The following ST8SIA6 variants were observed in gnomAD, a reference collection of about 807,000 sequenced individuals.
ST8SIA6 encodes ST8 alpha-N-acetyl-neuraminide alpha-2,8-sialyltransferase 6.
Under a neutral mutation model 33.6 loss-of-function variants are expected in ST8SIA6, and 39 were observed. The ratio of observed to expected loss-of-function variants is 1.16; its 90% CI spans 0.90 to 1.52. ST8SIA6 has a LOEUF of 1.52. Ranked by LOEUF, ST8SIA6 falls within the 40% of genes most tolerant of loss-of-function variation. The probability of loss-of-function intolerance (pLI) is 0.00; values close to 1 mark genes in which losing one functional copy is unlikely to be tolerated. For synonymous variants in ST8SIA6, 172 were observed against 167.2 expected, an observed-to-expected ratio of 1.03 and a Z score of -0.22; for missense variants, 441 against 443.8, an observed-to-expected ratio of 0.99 and a Z score of 0.06.
intron 5 of ST8SIA6, among the ~76,000 whole-genome samples, chr10:17,327,598 A>AAACAAC (rs1176015095): frequency 1.3e-5 from 2 of 150,060 alleles, no homozygotes; most frequent in East Asian, 4.0e-4. Context: ...AAACAAAACA[A>AAACAAC]AACAACAACA....
chr10:17,357,158 G>A (rs903092918), intron 4 of ST8SIA6, among the ~76,000 whole-genome samples: 3 of 150,176 alleles, frequency 2.0e-5, no homozygotes, highest in African/African-American at 7.4e-5. Flanking sequence ...TTGAGACGGA[G>A]TCTCTCTGTC....
rs201720814 is a variant in ST8SIA6, at chr10:17,321,290, C to T, written c.785G>A (p.Gly262Glu). The change falls in exon 8 of 8, where the codon GGA becomes GAA. Residue 262 changes from glycine (G) to glutamate (E), a missense_variant. By Grantham distance (98) the Gly-to-Glu change is moderately conservative. Coordinates refer to ENST00000377602, the MANE Select transcript of ST8SIA6 (RefSeq NM_001004470.3). ...TGCTGGCAGAAGAAAAAATGCATCT[C>T]CATAGGTTGCAATGTCCTCCAGAAA... Reference protein sequence around the residue: ...ALFLEDIATYGDAFFLLPAFS... With the variant: ...ALFLEDIATYEDAFFLLPAFS... The T allele has an allele frequency of 4.6e-5, 75 of 1,613,770 alleles. No individual in the cohort carries two copies. In the Admixed American group the frequency reaches 5.3e-4, roughly 11 times the overall value.
At chr10:17,343,010 C>T (rs1312846054) in intron 4 of ST8SIA6, among the ~76,000 whole-genome samples, 2 of 152,188 alleles carry the variant, frequency 1.3e-5, no homozygotes, top group African/African-American at 4.8e-5. Flanking sequence ...ATGAGATGCT[C>T]TTCTTGGTCT....
intron 4 of ST8SIA6, among the ~76,000 whole-genome samples, chr10:17,337,832 G>C (rs1442757298): frequency 2.0e-5 from 3 of 152,074 alleles, no homozygotes; most frequent in African/African-American, 7.2e-5. Context: ...AAGAAATGGA[G>C]GACACTGTGG....
chr10:17,405,993 G>A (rs1040572717), intron 2 of ST8SIA6, among the ~76,000 whole-genome samples: 4 of 152,014 alleles, frequency 2.6e-5, no homozygotes, highest in Middle Eastern at 3.2e-3. Flanking sequence ...TGCAAAATCT[G>A]TATGAGACAA....
chr10:17,420,055 A>G (rs1038159458), intron 2 of ST8SIA6, among the ~76,000 whole-genome samples: 2 of 152,232 alleles, frequency 1.3e-5, no homozygotes, highest in African/African-American at 4.8e-5. Context: ...AATGATAACC[A>G]TGATATAGTT....
intron 3 of ST8SIA6, among the ~76,000 whole-genome samples, chr10:17,389,117 C>T (rs528361912): frequency 6.6e-6 from 1 of 152,296 alleles, no homozygotes; most frequent in East Asian, 1.9e-4. Context: ...CATTTCAACT[C>T]CCTGATTCGC....
intron 3 of ST8SIA6, among the ~76,000 whole-genome samples, chr10:17,377,084 C>T (rs957301078): frequency 4.6e-5 from 7 of 152,186 alleles, no homozygotes; most frequent in African/African-American, 1.7e-4. Context: ...CCTGCCTTTA[C>T]TGATGACATT....
At chr10:17,445,302 CT>C (rs1448421620) in intron 2 of ST8SIA6, among the ~76,000 whole-genome samples, 2 of 152,170 alleles carry the variant, frequency 1.3e-5, no homozygotes, top group Non-Finnish European at 2.9e-5. Context: ...TATTTACATT[CT>C]TACGAACAGA....
intron 3 of ST8SIA6, among the ~76,000 whole-genome samples, chr10:17,371,558 G>T (rs1017760704): frequency 6.6e-6 from 1 of 151,998 alleles, no homozygotes. Flanking sequence ...GGAGAGGTGG[G>T]AGGATGACCT....
At chr10:17,387,297 G>C (rs915616527) in intron 3 of ST8SIA6, among the ~76,000 whole-genome samples, 9 of 151,726 alleles carry the variant, frequency 5.9e-5, no homozygotes, top group Non-Finnish European at 1.0e-4. Context: ...CGTCACCCGG[G>C]CTGGAGTGCA....
intron 3 of ST8SIA6, among the ~76,000 whole-genome samples, chr10:17,380,612 T>C (rs971060182): frequency 6.6e-6 from 1 of 152,246 alleles, no homozygotes; most frequent in Non-Finnish European, 1.5e-5. Flanking sequence ...GAAAGAGCAA[T>C]GGCTGTACTT....
chr10:17,395,043 G>A (rs1850758374), intron 2 of ST8SIA6, among the ~76,000 whole-genome samples: 1 of 152,068 alleles, frequency 6.6e-6, no homozygotes, highest in African/African-American at 2.4e-5. Context: ...CACGTGTTGT[G>A]GGAAGGACCC....
chr10:17,324,913 A>G lies in ST8SIA6; in HGVS notation c.636-1756T>C, dbSNP rs546615458. On this transcript the variant is annotated intron_variant, in intron 6 of 7. Coordinates refer to ENST00000377602, the MANE Select transcript of ST8SIA6 (RefSeq NM_001004470.3). ...ATTATATATAACATGTATATATAAT[A>G]TGTAATATATAATATGCATACATAT... Among the ~76,000 whole-genome samples, 533 of 146,472 alleles carry G rather than the reference A, an allele frequency of 3.6e-3. 1 individual carries two copies. Among genetic ancestry groups the G allele is most frequent in the African/African-American group, 0.013 (509 of 40,314 alleles).
intron 3 of ST8SIA6, among the ~76,000 whole-genome samples, chr10:17,377,049 A>G (rs559629885): frequency 3.7e-4 from 56 of 152,324 alleles, no homozygotes; most frequent in African/African-American, 1.3e-3. Context: ...CTGAAGAACC[A>G]CAAAAGAAGT....
rs915562656 is a variant in ST8SIA6 at position 17,387,458 on chromosome 10, G to T, written c.290+3073C>A. 3.0e-3 allele frequency among the ~76,000 whole-genome samples: 410 copies of T among 136,886 alleles called. 7 individuals carry two copies. Among genetic ancestry groups the T allele is most frequent in the Non-Finnish European group, 4.4e-3 (274 of 62,520 alleles). 89.8% of individuals were successfully genotyped at this position (136,886 alleles called of 152,430 possible). On this transcript the variant is annotated intron_variant, in intron 3 of 7. Coordinates refer to ENST00000377602, the MANE Select transcript of ST8SIA6 (RefSeq NM_001004470.3). ...TCGGGGCGGTGGGGCGGGGGGGGGG[G>T]GGTTCTCCATGTTGGTCTGGCTGGT...
At chr10:17,371,802 AAGAAAG>A (rs1849744056) in intron 3 of ST8SIA6, among the ~76,000 whole-genome samples, 1 of 135,902 alleles carries the variant, frequency 7.4e-6, no homozygotes, top group East Asian at 2.5e-4. Flanking sequence ...AAAAAAAAAA[AAGAAAG>A]AAAGTAAAAA....
chr10:17,355,455 G>A (rs1481407447), intron 4 of ST8SIA6, among the ~76,000 whole-genome samples: 2 of 152,076 alleles, frequency 1.3e-5, no homozygotes, highest in Non-Finnish European at 2.9e-5. Flanking sequence ...TATGAGATAG[G>A]CACTGGAGAT....
chr10:17,387,448 G>GA (rs1554795026), intron 3 of ST8SIA6, among the ~76,000 whole-genome samples: 2 of 16,482 alleles, frequency 1.2e-4, no homozygotes, highest in African/African-American at 9.2e-4. Context: ...GCGGTGGGGC[G>GA]GGGGGGGGGG....
Sources: allele counts gnomAD v4.1 joint callset (sites outside exome capture counted in the v4.1 genomes callset), GRCh38; gene constraint gnomAD v4.1.1; transcripts MANE v1.5; gene names NCBI Gene and HGNC (gene_info 2026-07-23, HGNC 2026-07-21).